The following COA1 variants were observed in gnomAD, a reference collection of about 807,000 sequenced individuals.
The protein encoded by COA1 is cytochrome c oxidase assembly factor 1.
COA1 carries 13 observed loss-of-function variants against 16.0 expected under a neutral mutation model. The ratio of observed to expected loss-of-function variants is 0.81; its 90% CI spans 0.53 to 1.29. The LOEUF (loss-of-function observed/expected upper bound fraction) is 1.29. Among genes scored for constraint, COA1 ranks in the 50% most tolerant of loss-of-function variants. The pLI is 0.00. For missense variants in COA1, 179 were observed against 177.0 expected, an observed-to-expected ratio of 1.01 and a Z score of -0.06; for synonymous variants, 65 against 65.7, an observed-to-expected ratio of 0.99 and a Z score of 0.05.
At chr7:43,654,462 C>T (rs1021859147) in intron 1 of COA1, among the ~76,000 whole-genome samples, 4 of 152,024 alleles carry the variant, frequency 2.6e-5, no homozygotes, top group Admixed American at 1.3e-4. Context: ...AAGGACACTA[C>T]ACGCTAAAGA....
chr7:43,706,182 A>C (rs2094964565), intron 1 of COA1, among the ~76,000 whole-genome samples: 1 of 152,160 alleles, frequency 6.6e-6, no homozygotes, highest in Non-Finnish European at 1.5e-5. Flanking sequence ...TGGAAAAAAA[A>C]AATCTCTTTT....
intron 1 of COA1, among the ~76,000 whole-genome samples, 191 bp downstream of exon 1, chr7:43,729,238 G>A (rs1457165176): frequency 2.0e-5 from 3 of 152,248 alleles, no homozygotes; most frequent in Admixed American, 2.0e-4. Flanking sequence ...GCCACTGAAG[G>A]TTACCAGGTG....
chr7:43,712,006 C>A (rs2095264650), intron 1 of COA1, among the ~76,000 whole-genome samples: 1 of 152,196 alleles, frequency 6.6e-6, no homozygotes, highest in African/African-American at 2.4e-5. Context: ...GACATTAAGA[C>A]ACCCTGATCC....
chr7:43,715,999 G>A (rs1234265916), intron 1 of COA1, among the ~76,000 whole-genome samples: 1 of 152,158 alleles, frequency 6.6e-6, no homozygotes, highest in Non-Finnish European at 1.5e-5. Context: ...GATAGGACTT[G>A]CTCCTCCTTG....
At chr7:43,720,645 G>A (rs1261526652) in intron 1 of COA1, among the ~76,000 whole-genome samples, 3 of 152,116 alleles carry the variant, frequency 2.0e-5, no homozygotes, top group Admixed American at 2.0e-4. Flanking sequence ...AGATGAAGTG[G>A]CCATATTTGA....
chr7:43,668,664 T>G (rs929007995), intron 1 of COA1, among the ~76,000 whole-genome samples: 1 of 152,184 alleles, frequency 6.6e-6, no homozygotes, highest in Non-Finnish European at 1.5e-5. Flanking sequence ...CAAAATGGGA[T>G]GGATAACATA....
chr7:43,675,921 G>T (rs2093494967), intron 1 of COA1, among the ~76,000 whole-genome samples: 1 of 151,970 alleles, frequency 6.6e-6, no homozygotes, highest in Non-Finnish European at 1.5e-5. Flanking sequence ...TTAAATAAAA[G>T]AATTATGGTA....
At chr7:43,699,304 G>T (rs1563411067) in intron 1 of COA1, among the ~76,000 whole-genome samples, 1 of 152,190 alleles carries the variant, frequency 6.6e-6, no homozygotes, top group Non-Finnish European at 1.5e-5. Flanking sequence ...CTTGAGAGGA[G>T]AAATTCATGC....
chr7:43,660,905 A>T (rs1392565308), intron 1 of COA1, among the ~76,000 whole-genome samples: 1 of 152,118 alleles, frequency 6.6e-6, no homozygotes, highest in African/African-American at 2.4e-5. Context: ...AATAAAATCT[A>T]AGCTTCTTTG....
At chr7:43,702,311 T>C (rs2094777582) in intron 1 of COA1, among the ~76,000 whole-genome samples, 1 of 152,218 alleles carries the variant, frequency 6.6e-6, no homozygotes, top group Non-Finnish European at 1.5e-5. Flanking sequence ...GCTCTGTATA[T>C]GGCGAGCCAG....
intron 1 of COA1, among the ~76,000 whole-genome samples, chr7:43,665,503 A>C (rs1254914042): frequency 6.6e-6 from 1 of 152,246 alleles, no homozygotes; most frequent in Non-Finnish European, 1.5e-5. Context: ...AAAAGTACAA[A>C]AGCAGTGCCC....
chr7:43,618,102 T>C (rs2083510289), intron 6 of COA1, among the ~76,000 whole-genome samples: 1 of 152,158 alleles, frequency 6.6e-6, no homozygotes, highest in African/African-American at 2.4e-5. Context: ...AATGTGAACA[T>C]TCATTCTATA....
chr7:43,642,241 G>C (rs2087358168), intron 4 of COA1: 1 of 152,418 alleles, frequency 6.6e-6, no homozygotes, highest in South Asian at 2.1e-4. Flanking sequence ...CTTGAGGCCA[G>C]GAGTTCGAGA....
intron 6 of COA1, among the ~76,000 whole-genome samples, chr7:43,613,432 TCA>T (rs1472154554): frequency 2.0e-5 from 3 of 152,204 alleles, no homozygotes; most frequent in African/African-American, 7.2e-5. Context: ...AACTTGAGCA[TCA>T]CAGATTTTGG....
chr7:43,623,575 C>T (rs1307179906), intron 6 of COA1: 1 of 1,608,334 alleles, frequency 6.2e-7, no homozygotes, highest in Non-Finnish European at 8.5e-7. Context: ...ATACTAGCTC[C>T]TGAAATTCTT....
chr7:43,668,735 A>G (rs1286677201), intron 1 of COA1, among the ~76,000 whole-genome samples: 1 of 152,272 alleles, frequency 6.6e-6, no homozygotes, highest in East Asian at 1.9e-4. Flanking sequence ...CAGGTAATGA[A>G]AGTGAGTAGG....
At chr7:43,644,683 C>T (rs1430162601) in intron 4 of COA1, among the ~76,000 whole-genome samples, 3 of 134,520 alleles carry the variant, frequency 2.2e-5, no homozygotes, top group South Asian at 2.6e-4. Context: ...TGCACTATCA[C>T]GCCTGGCTAA....
At chr7:43,708,307 T>C (rs1210571174) in intron 1 of COA1, among the ~76,000 whole-genome samples, 1 of 151,866 alleles carries the variant, frequency 6.6e-6, no homozygotes, top group Non-Finnish European at 1.5e-5. Context: ...AAAAAATAAA[T>C]AAAGTTAGCT....
chr7:43,683,531 G>A (rs182332362), intron 1 of COA1, among the ~76,000 whole-genome samples: 180 of 152,212 alleles, frequency 1.2e-3, no homozygotes, highest in African/African-American at 4.2e-3. Flanking sequence ...CTACTCGGGA[G>A]TCTGAGGCAG....
Sources: allele counts gnomAD v4.1 joint callset (sites outside exome capture counted in the v4.1 genomes callset), GRCh38; gene constraint gnomAD v4.1.1; transcripts MANE v1.5; gene names NCBI Gene and HGNC (gene_info 2026-07-23, HGNC 2026-07-21).